The following FBXW4 variants were observed in gnomAD, a reference collection of about 807,000 sequenced individuals.
FBXW4 encodes F-box and WD repeat domain containing 4.
Under a neutral mutation model 61.8 loss-of-function variants are expected in FBXW4, and 40 were observed. The observed-to-expected ratio is 0.65, with a 90% CI of 0.50 to 0.84. The LOEUF is 0.84. FBXW4 is among the 40% of genes least tolerant of loss of function. FBXW4 has a pLI of 0.00. For missense variants in FBXW4, 672 were observed against 753.8 expected, an observed-to-expected ratio of 0.89 and a Z score of 1.27; for synonymous variants, 311 against 313.8, an observed-to-expected ratio of 0.99 and a Z score of 0.10.
intron 5 of FBXW4, among the ~76,000 whole-genome samples, chr10:101,633,867 T>C (rs1307426214): frequency 6.6e-6 from 1 of 152,084 alleles, no homozygotes; most frequent in Non-Finnish European, 1.5e-5. Context: ...TCCCAGCACT[T>C]TAGGAGGCTG....
At chr10:101,674,012 C>T (rs1015827982) in intron 2 of FBXW4, among the ~76,000 whole-genome samples, 15 of 152,102 alleles carry the variant, frequency 9.9e-5, no homozygotes, top group Admixed American at 5.9e-4. Context: ...CAAAATTCAA[C>T]GGTCAAGGGG....
In FBXW4 at chr10:101,627,382, T is replaced by C. The variant is rs577609277; in HGVS notation, c.1236-2572A>G. ...TTAACACTCAGTAAAAAACCATCAATAGTCAAGCAGATTTTGAGCAAACAC... is the reference window on the plus strand; with the variant it reads ...TTAACACTCAGTAAAAAACCATCAACAGTCAAGCAGATTTTGAGCAAACAC... On this transcript the variant is annotated intron_variant, in intron 5 of 8. Coordinates refer to ENST00000331272, the MANE Select transcript of FBXW4 (RefSeq NM_022039.4). Among the ~76,000 whole-genome samples the C allele has an allele frequency of 3.0e-4, 45 of 152,176 alleles. 1 individual carries two copies. In the South Asian group the frequency reaches 9.3e-3, roughly 32 times the overall value.
chr10:101,639,631 A>C (rs1221873848), intron 5 of FBXW4, among the ~76,000 whole-genome samples: 2 of 152,232 alleles, frequency 1.3e-5, no homozygotes, highest in African/African-American at 4.8e-5. Context: ...AGAGATGCGC[A>C]GCTGACCCAA....
At chr10:101,681,388 C>CAAA (rs769305940) in intron 1 of FBXW4, among the ~76,000 whole-genome samples, 6 of 134,196 alleles carry the variant, frequency 4.5e-5, no homozygotes, top group Admixed American at 7.5e-5. Flanking sequence ...AACTCCGTCT[C>CAAA]AAAAAAAAAA....
chr10:101,685,578 T>C (rs1218050905), intron 1 of FBXW4, among the ~76,000 whole-genome samples: 1 of 152,176 alleles, frequency 6.6e-6, no homozygotes, highest in Non-Finnish European at 1.5e-5. Context: ...CCTCAAAGGA[T>C]ATAAGAGAAC....
chr10:101,651,145 A>G (rs1341200351), intron 5 of FBXW4, among the ~76,000 whole-genome samples: 2 of 152,062 alleles, frequency 1.3e-5, no homozygotes, highest in Non-Finnish European at 2.9e-5. Context: ...TCCCCCAGGG[A>G]TTGTACAGGC....
intron 5 of FBXW4, among the ~76,000 whole-genome samples, chr10:101,646,578 C>T (rs1302524854): frequency 1.3e-5 from 2 of 152,222 alleles, no homozygotes; most frequent in Admixed American, 6.5e-5. Context: ...GGGGCCCAGA[C>T]TGTGAGGCAG....
intron 2 of FBXW4, 141 bp downstream of exon 2, chr10:101,676,200 C>T (rs551030189): frequency 1.0e-5 from 5 of 489,128 alleles, no homozygotes; most frequent in Non-Finnish European, 1.8e-5. Context: ...CCTTCTGATG[C>T]CCCCTTTGTG....
chr10:101,660,945 A>G (rs1365048752), intron 5 of FBXW4, among the ~76,000 whole-genome samples: 2 of 152,252 alleles, frequency 1.3e-5, no homozygotes, highest in Non-Finnish European at 2.9e-5. Flanking sequence ...TGACCAGAAC[A>G]TGGTAATGCT....
intron 5 of FBXW4, among the ~76,000 whole-genome samples, chr10:101,653,344 G>A (rs1009965541): frequency 6.6e-6 from 1 of 152,030 alleles, no homozygotes; most frequent in Non-Finnish European, 1.5e-5. Context: ...CTTCAATCTG[G>A]CCCAAAACGG....
chr10:101,694,333 C>T lies in FBXW4; in HGVS notation c.725+48G>A. The T allele has an allele frequency of 7.5e-7, 1 of 1,338,018 alleles. No individual in the cohort carries two copies. Among genetic ancestry groups the T allele is most frequent in the Non-Finnish European group, 9.5e-7 (1 of 1,050,818 alleles). The allele number at this position is 1,338,018 out of a possible 1,614,324, so 82.9% of individuals were successfully genotyped here. A position where few individuals can be genotyped will look rare whatever the true frequency, so the allele number is the denominator to read the frequency against. ...CGCGGCGCCCCGCCCTTTCCCGGGA[C>T]GCGGGGCCGGCTCGGGGCGGGGAGC... On this transcript the variant is annotated intron_variant, in intron 1 of 8. Transcript: ENST00000331272. This position sits in a 1 kb window ranked among gnomAD's most constrained non-coding sequence, Gnocchi z 6.0.
intron 5 of FBXW4, among the ~76,000 whole-genome samples, chr10:101,650,913 G>C (rs1230369858): frequency 6.6e-6 from 1 of 152,156 alleles, no homozygotes; most frequent in Admixed American, 6.5e-5. Flanking sequence ...GCGGCCTGTT[G>C]GTCTCCCATG....
chr10:101,690,191 G>A (rs1157867028), intron 1 of FBXW4, among the ~76,000 whole-genome samples: 4 of 152,080 alleles, frequency 2.6e-5, no homozygotes, highest in Admixed American at 1.3e-4. Context: ...TGCAGATAGC[G>A]CTCCTGTTCT....
intron 4 of FBXW4, among the ~76,000 whole-genome samples, chr10:101,668,664 A>T (rs770047650): frequency 6.6e-6 from 1 of 152,196 alleles, no homozygotes; most frequent in African/African-American, 2.4e-5. Flanking sequence ...GGAGCACATT[A>T]TCTGGTCTCT....
At chr10:101,650,526 A>G (rs368015804) in intron 5 of FBXW4, among the ~76,000 whole-genome samples, 3 of 152,168 alleles carry the variant, frequency 2.0e-5, no homozygotes, top group Non-Finnish European at 2.9e-5. Flanking sequence ...ACTCACTTCA[A>G]GCTGGCAGCC....
At chr10:101,666,599 C>T (rs1454851372) in intron 5 of FBXW4, among the ~76,000 whole-genome samples, 1 of 152,082 alleles carries the variant, frequency 6.6e-6, no homozygotes, top group Non-Finnish European at 1.5e-5. Context: ...TTTCACATTT[C>T]CATGTGAGTA....
chr10:101,662,318 GACGCTCCCTC>G (rs2064252490), intron 5 of FBXW4, among the ~76,000 whole-genome samples: 1 of 152,110 alleles, frequency 6.6e-6, no homozygotes, highest in Non-Finnish European at 1.5e-5. Flanking sequence ...TTTCCTTCCA[GACGCTCCCTC>G]ACCTCTGGGA....
intron 1 of FBXW4, among the ~76,000 whole-genome samples, chr10:101,691,016 T>C (rs1368330308): frequency 1.3e-5 from 2 of 152,326 alleles, no homozygotes; most frequent in African/African-American, 4.8e-5. Flanking sequence ...TTAAGCCTCA[T>C]TTTACCAGGC....
At chr10:101,628,861 C>G (rs1456444825) in intron 5 of FBXW4, among the ~76,000 whole-genome samples, 3 of 152,156 alleles carry the variant, frequency 2.0e-5, no homozygotes, top group African/African-American at 7.2e-5. Flanking sequence ...AAGCCCTTAC[C>G]AGAAGCCAGC....
Sources: allele counts gnomAD v4.1 joint callset (sites outside exome capture counted in the v4.1 genomes callset), GRCh38; gene constraint gnomAD v4.1.1; non-coding constraint Gnocchi (gnomAD v3.1); transcripts MANE v1.5; gene names NCBI Gene and HGNC (gene_info 2026-07-23, HGNC 2026-07-21).